UST: variants seen among roughly 807,000 people sequenced by gnomAD.
The protein encoded by UST is uronyl 2-sulfotransferase, also known as chondroitin sulfate 2-O-sulfotransferase.
UST carries 21 observed loss-of-function variants against 45.6 expected under a neutral mutation model. That is an observed-to-expected ratio of 0.46 (90% confidence interval 0.33 to 0.66). The LOEUF (loss-of-function observed/expected upper bound fraction) is 0.66. Ranked by LOEUF, UST falls within the 30% of genes least tolerant of loss-of-function variation. The probability of loss-of-function intolerance (pLI) is 0.02; values close to 1 mark genes in which losing one functional copy is unlikely to be tolerated. For synonymous variants in UST, 215 were observed against 200.6 expected (o/e 1.07, Z -0.61); for missense variants, 463 against 512.4 (o/e 0.90, Z 0.93).
chr6:148,814,642 G>A (rs1240400944), intron 1 of UST, among the ~76,000 whole-genome samples: 2 of 152,078 alleles, frequency 1.3e-5, no homozygotes, highest in African/African-American at 4.8e-5. Flanking sequence ...GGGTTGATGC[G>A]GTTCACTGTG....
At chr6:149,007,463 A>ATT (rs11312436) in intron 5 of UST, among the ~76,000 whole-genome samples, 4 of 130,766 alleles carry the variant, frequency 3.1e-5, no homozygotes, top group Non-Finnish European at 4.9e-5. Flanking sequence ...AATTTTTTGT[A>ATT]TTTTTTTTTT....
chr6:148,831,073 G>GGT (rs1554219407), intron 1 of UST, among the ~76,000 whole-genome samples: 1 of 148,944 alleles, frequency 6.7e-6, no homozygotes, highest in Non-Finnish European at 1.5e-5. Flanking sequence ...GAAAAGGGGG[G>GGT]GGTGGGAAGA....
At chr6:148,937,820 G>A (rs1261922000) in intron 2 of UST, among the ~76,000 whole-genome samples, 1 of 152,178 alleles carries the variant, frequency 6.6e-6, no homozygotes, top group Non-Finnish European at 1.5e-5. Context: ...TGTTTCTATG[G>A]AGGAATTAAA....
chr6:148,853,437 T>C (rs2114789108), intron 1 of UST, among the ~76,000 whole-genome samples: 1 of 152,312 alleles, frequency 6.6e-6, no homozygotes, highest in East Asian at 1.9e-4. Context: ...TACAGATATC[T>C]TTATAATAGA....
At chr6:149,055,108 AT>A (rs542513068) in intron 7 of UST, among the ~76,000 whole-genome samples, 1 of 152,034 alleles carries the variant, frequency 6.6e-6, no homozygotes, top group Non-Finnish European at 1.5e-5. Flanking sequence ...AAGTAAATAA[AT>A]CATTTGGTAG....
intron 7 of UST, among the ~76,000 whole-genome samples, chr6:149,039,071 G>A (rs1776275148): frequency 6.6e-6 from 1 of 152,170 alleles, no homozygotes; most frequent in Admixed American, 6.5e-5. Flanking sequence ...GCAGTTGTTA[G>A]TTGTGGTGGT....
chr6:148,990,190 T>C (rs1275770744), intron 5 of UST, among the ~76,000 whole-genome samples: 1 of 152,212 alleles, frequency 6.6e-6, no homozygotes, highest in Non-Finnish European at 1.5e-5. Context: ...ATTTTTATAT[T>C]CTTTATATCT....
chr6:149,031,290 C>T (rs1776137775), intron 7 of UST, among the ~76,000 whole-genome samples: 1 of 151,680 alleles, frequency 6.6e-6, no homozygotes, highest in South Asian at 2.1e-4. Context: ...TAAAAATGAA[C>T]ACATAATGTA....
At chr6:148,834,571 C>A (rs1413399619) in intron 1 of UST, among the ~76,000 whole-genome samples, 1 of 151,994 alleles carries the variant, frequency 6.6e-6, no homozygotes, top group Non-Finnish European at 1.5e-5. Context: ...CCTGTCCATA[C>A]AAAAAATAGA....
chr6:148,796,797 C>CTT (rs1195878764), intron 1 of UST, among the ~76,000 whole-genome samples: 1,071 of 72,078 alleles, frequency 0.015, 34 homozygotes, highest in Middle Eastern at 0.034. Context: ...TCTGATAATT[C>CTT]TTTTTTTTTT....
chr6:148,883,110 G>C (rs994372827), intron 1 of UST, among the ~76,000 whole-genome samples: 1 of 152,232 alleles, frequency 6.6e-6, no homozygotes, highest in East Asian at 1.9e-4. Flanking sequence ...TGTTAAGACA[G>C]CTACAAAGCC....
At chr6:148,789,751 C>T (rs1375232955) in intron 1 of UST, among the ~76,000 whole-genome samples, 1 of 152,004 alleles carries the variant, frequency 6.6e-6, no homozygotes, top group Non-Finnish European at 1.5e-5. Flanking sequence ...GTGCCCACCA[C>T]CACACCCAGC....
intron 7 of UST, among the ~76,000 whole-genome samples, chr6:149,022,115 T>C (rs1775989819): frequency 6.6e-6 from 1 of 152,266 alleles, no homozygotes; most frequent in African/African-American, 2.4e-5. Context: ...GTATAATTAC[T>C]TTCAGAAATC....
chr6:148,815,484 C>T (rs1338220376), intron 1 of UST, among the ~76,000 whole-genome samples: 2 of 152,072 alleles, frequency 1.3e-5, no homozygotes, highest in Admixed American at 6.5e-5. Context: ...TGCCCCACTC[C>T]CCTGCTTTTT....
intron 1 of UST, among the ~76,000 whole-genome samples, chr6:148,753,055 A>T (rs1776020783): frequency 6.6e-6 from 1 of 152,340 alleles, no homozygotes; most frequent in Non-Finnish European, 1.5e-5. Flanking sequence ...TATTTGCAAA[A>T]GTCAATGTAG....
intron 1 of UST, among the ~76,000 whole-genome samples, chr6:148,775,883 C>T (rs1221814065): frequency 6.6e-6 from 1 of 152,138 alleles, no homozygotes; most frequent in African/African-American, 2.4e-5. Context: ...CTGCCCGCCT[C>T]AGCCTCCCAA....
chr6:149,015,100 T>G (rs949283527), intron 5 of UST, among the ~76,000 whole-genome samples: 1 of 152,004 alleles, frequency 6.6e-6, no homozygotes, highest in Non-Finnish European at 1.5e-5. Flanking sequence ...GACTGGAGTT[T>G]CCTCTGAGAC....
At chr6:148,864,206 G>A (rs9390619) in intron 1 of UST, among the ~76,000 whole-genome samples, 38,629 of 152,160 alleles carry the variant, frequency 0.25, 5,435 homozygotes, top group East Asian at 0.58. Flanking sequence ...AGCAATGGCA[G>A]GCGCCCCTCC....
At chr6:149,020,743 C>T (rs115060997) in intron 6 of UST, among the ~76,000 whole-genome samples, 2,995 of 152,202 alleles carry the variant, frequency 0.02, 122 homozygotes, top group African/African-American at 0.069. Context: ...AGAGAGCTGG[C>T]CTACAAATCA....
Sources: gnomAD v4.1 joint callset for allele counts (sites outside exome capture counted in the v4.1 genomes callset) on GRCh38, gnomAD v4.1.1 for gene constraint, MANE v1.5 for transcripts, NCBI Gene and HGNC (gene_info 2026-07-23, HGNC 2026-07-21) for gene names.